Variants in METTL1 observed in about 807,000 individuals in gnomAD.
METTL1 encodes the protein methyltransferase 1, tRNA methylguanosine, also known as tRNA (guanine-N(7)-)-methyltransferase.
A neutral mutation model predicts 27.7 loss-of-function variants in METTL1; 14 were observed. The ratio of observed to expected loss-of-function variants is 0.51; its 90% CI spans 0.33 to 0.79. METTL1 has a LOEUF of 0.79. METTL1 is among the 30% of genes least tolerant of loss of function. The probability of loss-of-function intolerance (pLI) is 0.02; values close to 1 mark genes in which losing one functional copy is unlikely to be tolerated. For synonymous variants in METTL1, 138 were observed against 137.0 expected (o/e 1.01, Z -0.05); for missense variants, 333 against 359.6 (o/e 0.93, Z 0.60).
intron 2 of METTL1, 100 bp from the exon 3 acceptor site, chr12:57,770,056 T>A (rs1029116332): frequency 8.2e-7 from 1 of 1,224,234 alleles, no homozygotes; most frequent in African/African-American, 1.5e-5. Flanking sequence ...ACTACCAAAG[T>A]CCAGAACGGC....
At chr12:57,769,234 C>A in intron 5 of METTL1, 69 bp downstream of exon 5, 1 of 1,610,428 alleles carries the variant, frequency 6.2e-7, no homozygotes, top group South Asian at 1.1e-5. Flanking sequence ...ATCCTCCTGG[C>A]ACTGAGTTAA....
Position 57,772,095 on chromosome 12 carries a change from G to A in METTL1, c.-12C>T, listed in dbSNP as rs776384099. The A allele has an allele frequency of 1.9e-6, 3 of 1,571,604 alleles. No homozygotes were observed. Among genetic ancestry groups the A allele is most frequent in the South Asian group, 1.2e-5 (1 of 85,182 alleles). On this transcript the variant is annotated 5_prime_UTR_variant, in exon 1 of 6. Transcript: ENST00000324871. This position sits in a 1 kb window ranked among gnomAD's most constrained non-coding sequence, Gnocchi z 4.1. ...GTCTCGGCTGCCATGATCCCAGTCC[G>A]GGGTTTCTCTACCAAATCCACGTGG...
intron 1 of METTL1, 125 bp from the exon 2 acceptor site, chr12:57,771,382 G>T (rs1423932490): frequency 1.4e-6 from 2 of 1,471,766 alleles, no homozygotes; most frequent in Non-Finnish European, 9.0e-7. Context: ...CAAAAATTCT[G>T]TAACACTGGG....
intron 1 of METTL1, 86 bp downstream of exon 1, chr12:57,771,888 A>G (rs781307401): frequency 9.5e-5 from 135 of 1,424,490 alleles, no homozygotes; most frequent in Non-Finnish European, 1.2e-4. Context: ...GTCTACCCCA[A>G]ATCCTCCCAG....
In METTL1 at chr12:57,768,917, C is replaced by T. The variant is rs759986559; in HGVS notation, c.*79G>A. 2 of 1,523,822 alleles carry T rather than the reference C, an allele frequency of 1.3e-6. No homozygotes were observed. Among genetic ancestry groups the T allele is most frequent in the Non-Finnish European group, 1.8e-6 (2 of 1,121,054 alleles). The allele number at this position is 1,523,822 out of a possible 1,614,324, so 94.4% of individuals were successfully genotyped here. On this transcript the variant is annotated 3_prime_UTR_variant, in exon 6 of 6. Coordinates refer to ENST00000324871, the MANE Select transcript of METTL1 (RefSeq NM_005371.6). ...AGTACTGTGTCTCAGCTCCAGCAGT[C>T]TCAACTGGGAAGACCCAGGACTCCT...
chr12:57,771,121 T>C lies in METTL1; in HGVS notation c.247A>G (p.Ile83Val), dbSNP rs536860729. 1.7e-4 allele frequency: 268 copies of C among 1,614,042 alleles called. No homozygotes were observed. Among genetic ancestry groups the C allele is most frequent in the Middle Eastern group, 5.1e-4 (3 of 5,938 alleles). Residue 83 changes from isoleucine (I) to valine (V), a missense_variant, in exon 2 of 6, where the codon ATA (isoleucine) becomes GTA (valine). By Grantham distance (29) the Ile-to-Val change is conservative. Coordinates refer to ENST00000324871, the MANE Select transcript of METTL1 (RefSeq NM_005371.6). ...RAQAQVEFADIGCGYGGLLVE... is the reference protein window; with the variant it reads ...RAQAQVEFADVGCGYGGLLVE... ...AACAGGCCACCATAGCCACAGCCTA[T>C]GTCTGCAAACTCCACTTGGGCCTGA...
In METTL1 at chr12:57,768,812, G is replaced by A. The variant is rs1955389930; in HGVS notation, c.*184C>T. 2 of 585,124 alleles carry A rather than the reference G, an allele frequency of 3.4e-6. No individual in the cohort carries two copies. Among genetic ancestry groups the A allele is most frequent in the African/African-American group, 3.7e-5 (2 of 54,416 alleles). 36.2% of individuals were successfully genotyped at this position (585,124 alleles called of 1,614,324 possible). On this transcript the variant is annotated 3_prime_UTR_variant, in exon 6 of 6. Transcript: ENST00000324871. Reference sequence around the variant, plus strand: ...TGCTTTGTTTTCTGTTGGCAGTGGAGGGACAAGGTGAGAGGAGCCAGGGGT... The same window carrying A: ...TGCTTTGTTTTCTGTTGGCAGTGGAAGGACAAGGTGAGAGGAGCCAGGGGT...
rs1955388104 is a variant in METTL1 at position 57,768,640 on chromosome 12, G to A, written c.*356C>T. The stretch of plus-strand genomic sequence containing the variant: ...CAAAGCAAACAGAAGTGGTAATTGA[G>A]CCTAGCAAGCAGTTTAGATGGACTA... On this transcript the variant is annotated 3_prime_UTR_variant, in exon 6 of 6. Transcript: ENST00000324871. 4.2e-6 allele frequency: 1 copy of A among 235,758 alleles called. No homozygotes were observed. Among genetic ancestry groups the A allele is most frequent in the Non-Finnish European group, 8.4e-6 (1 of 119,568 alleles). 14.6% of individuals were successfully genotyped at this position (235,758 alleles called of 1,614,324 possible). A position where few individuals can be genotyped will look rare whatever the true frequency, so the allele number is the denominator to read the frequency against.
chr12:57,771,928 C>T, intron 1 of METTL1, 46 bp downstream of exon 1: 2 of 1,481,268 alleles, frequency 1.4e-6, no homozygotes, highest in Non-Finnish European at 1.8e-6. Context: ...CTCCCGGCTG[C>T]TTTGAGAATC....
Position 57,769,038 on chromosome 12 carries a change from G to A in METTL1, c.789C>T (p.Val263=), listed in dbSNP as rs1255615561. The A allele has an allele frequency of 1.9e-6, 3 of 1,610,256 alleles. No individual in the cohort carries two copies. Among genetic ancestry groups the A allele is most frequent in the African/African-American group, 2.7e-5 (2 of 74,866 alleles). ...PAIFRRIQDP[V]LQAVTSQTSL... The stretch of plus-strand genomic sequence containing the variant: ...TGGTTTGGGAGGTCACTGCCTGGAG[G>A]ACGGGATCTTGTATTCTTCGGAAGA... Residue 263 remains valine, a synonymous_variant, in exon 6 of 6, where the codon GTC becomes GTT. Transcript: ENST00000324871.
intron 2 of METTL1, among the ~76,000 whole-genome samples, chr12:57,770,421 T>C (rs1405056894): frequency 6.6e-6 from 1 of 152,204 alleles, no homozygotes; most frequent in African/African-American, 2.4e-5. Flanking sequence ...CAAGTAATTC[T>C]CCTGCCTCAG....
At position 57,769,940 on chromosome 12, in the gene METTL1, C is replaced by G; in HGVS notation, c.291G>C (p.Leu97=). The G allele has an allele frequency of 6.2e-7, 1 of 1,608,630 alleles. No homozygotes were observed. Among genetic ancestry groups the G allele is most frequent in the Non-Finnish European group, 8.5e-7 (1 of 1,176,908 alleles). Residue 97 remains leucine, a synonymous_variant, in exon 3 of 6, where the codon CTG becomes CTC. Coordinates refer to ENST00000324871, the MANE Select transcript of METTL1 (RefSeq NM_005371.6). The part of the protein sequence containing the change: ...YGGLLVELSP[L]FPDTLILGLE... Reference sequence around the variant, plus strand: ...GACCCAGAATAAGTGTGTCTGGGAACAGCGGTGACAGTTCCACTGCACACA... The same window carrying G: ...GACCCAGAATAAGTGTGTCTGGGAAGAGCGGTGACAGTTCCACTGCACACA...
intron 2 of METTL1, 56 bp from the exon 3 acceptor site, chr12:57,770,012 G>A (rs1955410640): frequency 2.6e-6 from 4 of 1,523,566 alleles, no homozygotes; most frequent in Admixed American, 2.0e-5. Context: ...GAAGTGCAAA[G>A]GGGTCAACAC....
chr12:57,769,219 AT>A, intron 5 of METTL1, 68 bp from the exon 6 acceptor site: 3 of 1,609,540 alleles, frequency 1.9e-6, no homozygotes, highest in South Asian at 1.1e-5. Context: ...TTAGACACCT[AT>A]CCCATCCTCC....
Position 57,769,787 on chromosome 12 carries a change from G to A in METTL1, c.444C>T (p.Phe148=), listed in dbSNP as rs1317923647. The A allele has an allele frequency of 1.2e-6, 2 of 1,614,180 alleles. No individual in the cohort carries two copies. Among genetic ancestry groups the A allele is most frequent in the Non-Finnish European group, 1.7e-6 (2 of 1,180,022 alleles). Residue 148 remains phenylalanine (F), a synonymous_variant, in exon 3 of 6, where the codon TTC becomes TTT. Coordinates refer to ENST00000324871, the MANE Select transcript of METTL1 (RefSeq NM_005371.6). ...CCCTCCCCACCTGGCCCTTGTAGAA[G>A]AAGTTAGGAAGGTGCTTCATGGCAT... ...RSNAMKHLPN[F]FYKGQLTKMF...
rs766538710 is a variant in METTL1 at position 57,769,463 on chromosome 12, A to T, written c.574-59T>A. On this transcript the variant is annotated intron_variant, in intron 4 of 5. Coordinates refer to ENST00000324871, the MANE Select transcript of METTL1 (RefSeq NM_005371.6). ...GCATGCAACGTCAGCAGCCAGATGA[A>T]GGAAGTGGTGGTGTGAGTCCCTAAA... The T allele has an allele frequency of 1.9e-6, 3 of 1,604,656 alleles. No individual in the cohort carries two copies. In the South Asian group the frequency reaches 3.3e-5, roughly 18 times the overall value.
chr12:57,771,973 C>T lies in METTL1; in HGVS notation c.110+1G>A, dbSNP rs751760206. 2.6e-6 allele frequency: 4 copies of T among 1,518,116 alleles called. No homozygotes were observed. The highest frequency in any genetic ancestry group is 1.8e-6 in the Non-Finnish European group (2 of 1,139,968). 94.0% of individuals were successfully genotyped at this position (1,518,116 alleles called of 1,614,324 possible). A position where few individuals can be genotyped will look rare whatever the true frequency, so the allele number is the denominator to read the frequency against. On this transcript the variant is annotated splice_donor_variant, in intron 1 of 5. Transcript: ENST00000324871. LOFTEE classifies it high-confidence loss of function. ...TCTCTCTCCCTCTGCCCACTCCTCA[C>T]TAGCGCAGCGTGTGGTCCGCCATGG...
rs1228400872 is a variant in METTL1 at position 57,768,495 on chromosome 12, C to T, written c.*501G>A. 2 of 154,682 alleles carry T rather than the reference C, an allele frequency of 1.3e-5. No homozygotes were observed. Among genetic ancestry groups the T allele is most frequent in the African/African-American group, 4.8e-5 (2 of 41,464 alleles). 9.6% of individuals were successfully genotyped at this position (154,682 alleles called of 1,614,324 possible). A position where few individuals can be genotyped will look rare whatever the true frequency, so the allele number is the denominator to read the frequency against. On this transcript the variant is annotated 3_prime_UTR_variant, in exon 6 of 6. Transcript: ENST00000324871. ...CTTAGGGAACACAGATTCCCCAGGTCAAGTCTTACGCAGGGAGAGGACAGG... is the reference window on the plus strand; with the variant it reads ...CTTAGGGAACACAGATTCCCCAGGTTAAGTCTTACGCAGGGAGAGGACAGG...
Position 57,771,178 on chromosome 12 carries a change from C to G in METTL1, c.190G>C (p.Asp64His). The change falls in exon 2 of 6, where the codon GAT becomes CAT. Residue 64 changes from aspartate to histidine, a missense_variant. Physicochemically the swap from Asp to His is moderately conservative, Grantham distance 81. Transcript: ENST00000324871. ...TTTTCTTTCTTATCCTTTGGGTCATCGTGGCTCTGATTTTGAGTGAGTGGA... is the reference window on the plus strand; with the variant it reads ...TTTTCTTTCTTATCCTTTGGGTCATGGTGGCTCTGATTTTGAGTGAGTGGA... ...FAPLTQNQSH[D>H]DPKDKKEKRA... is the part of the protein sequence containing the mutation. 3 of 1,614,174 alleles carry G rather than the reference C, an allele frequency of 1.9e-6. No individual in the cohort carries two copies. The highest frequency in any genetic ancestry group is 1.7e-6 in the Non-Finnish European group (2 of 1,180,028).
Sources: gnomAD v4.1 joint callset for allele counts (sites outside exome capture counted in the v4.1 genomes callset) on GRCh38, gnomAD v4.1.1 for gene constraint, Gnocchi (gnomAD v3.1) non-coding constraint, MANE v1.5 for transcripts, NCBI Gene and HGNC (gene_info 2026-07-23, HGNC 2026-07-21) for gene names.